RGS8: variants seen among roughly 807,000 people sequenced by gnomAD.
The protein encoded by RGS8 is regulator of G-protein signaling 8.
In RGS8, 8 loss-of-function variants were observed where a neutral mutation model predicts 21.7. The ratio of observed to expected loss-of-function variants is 0.37; its 90% CI spans 0.22 to 0.66. The LOEUF (loss-of-function observed/expected upper bound fraction) is 0.66. Ranked by LOEUF, RGS8 falls within the 30% of genes least tolerant of loss-of-function variation. The pLI is 0.59. For missense variants in RGS8, 157 were observed against 217.9 expected (o/e 0.72, Z 1.76); for synonymous variants, 80 against 83.6 (o/e 0.96, Z 0.24).
chr1:182,648,277 A>G, exon 6 of RGS8: 1 of 1,613,686 alleles, frequency 6.2e-7, no homozygotes, highest in Non-Finnish European at 8.5e-7. Flanking sequence ...TCCGTCTTCA[A>G]GAAGGCACGG....
intron 5 of RGS8, among the ~76,000 whole-genome samples, chr1:182,665,397 G>GA (rs1663806030): frequency 6.6e-6 from 1 of 152,088 alleles, no homozygotes; most frequent in Admixed American, 6.5e-5. Flanking sequence ...ATGAGGAAGA[G>GA]AAAAATGGAA....
the RGS8 span, among the ~76,000 whole-genome samples, chr1:182,723,646 A>G: frequency 1.3e-5 from 2 of 152,190 alleles, no homozygotes; most frequent in Non-Finnish European, 2.9e-5. Flanking sequence ...CAAGAACAAC[A>G]TAGGAGGAGA....
At chr1:182,695,872 G>A in the RGS8 span, among the ~76,000 whole-genome samples, 1 of 152,146 alleles carries the variant, frequency 6.6e-6, no homozygotes, top group Admixed American at 6.5e-5. Flanking sequence ...TATACATTCT[G>A]TATCTGGTAG....
At chr1:182,648,053 C>G in intron 6 of RGS8, 84 bp downstream of exon 7, 1 of 1,295,878 alleles carries the variant, frequency 7.7e-7, no homozygotes. Context: ...AAGTCCTCAT[C>G]AAGCCTGGCT....
At chr1:182,683,627 CAA>C (rs397863359) in intron 1 of RGS8, among the ~76,000 whole-genome samples, 5,166 of 60,480 alleles carry the variant, frequency 0.085, 81 homozygotes, top group African/African-American at 0.097. Context: ...TCCCAGTGCT[CAA>C]AAAAAAAAAA....
chr1:182,679,805 C>T (rs1280794759), intron 1 of RGS8, among the ~76,000 whole-genome samples: 1 of 151,998 alleles, frequency 6.6e-6, no homozygotes, highest in Non-Finnish European at 1.5e-5. Context: ...GCCGCCCTCA[C>T]CACGCCCACC....
chr1:182,724,323 GA>G, the RGS8 span, among the ~76,000 whole-genome samples: 1 of 146,120 alleles, frequency 6.8e-6, no homozygotes, highest in Admixed American at 7.0e-5. Flanking sequence ...AAAAAGGACA[GA>G]AAAAAGAAGA....
At chr1:182,739,376 C>T in the RGS8 span, among the ~76,000 whole-genome samples, 1 of 152,188 alleles carries the variant, frequency 6.6e-6, no homozygotes, top group African/African-American at 2.4e-5. Context: ...GAAACACTGT[C>T]ATCCCCAACA....
the RGS8 span, among the ~76,000 whole-genome samples, chr1:182,692,873 C>A: frequency 5.3e-5 from 8 of 152,140 alleles, no homozygotes; most frequent in South Asian, 2.1e-4. Flanking sequence ...AAACAAGCAA[C>A]GGGGAAAGGA....
the RGS8 span, among the ~76,000 whole-genome samples, chr1:182,711,845 A>G: frequency 2.0e-5 from 3 of 152,182 alleles, no homozygotes; most frequent in Non-Finnish European, 2.9e-5. Flanking sequence ...TGATCTTCCC[A>G]TCATATTAAT....
At chr1:182,733,585 A>C in the RGS8 span, among the ~76,000 whole-genome samples, 6 of 152,136 alleles carry the variant, frequency 3.9e-5, no homozygotes, top group African/African-American at 1.2e-4. Context: ...TCATATCTCA[A>C]ATCTGCTGCC....
chr1:182,742,151 C>T, the RGS8 span, among the ~76,000 whole-genome samples: 1 of 150,202 alleles, frequency 6.7e-6, no homozygotes, highest in Non-Finnish European at 1.5e-5. Context: ...GGCGGCCGGG[C>T]AGAGACGCTC....
At chr1:182,713,059 C>T in the RGS8 span, among the ~76,000 whole-genome samples, 2 of 152,188 alleles carry the variant, frequency 1.3e-5, no homozygotes, top group South Asian at 2.1e-4. Context: ...AAGTTGCCAT[C>T]GTCCCAAATT....
At chr1:182,648,417 C>A in intron 5 of RGS8, 114 bp from the exon 7 acceptor site, 1 of 1,069,632 alleles carries the variant, frequency 9.3e-7, no homozygotes, top group East Asian at 2.4e-5. Flanking sequence ...TCCAAGCTCA[C>A]TGCTCCTCCA....
intron 5 of RGS8, among the ~76,000 whole-genome samples, chr1:182,651,653 C>A (rs999449618): frequency 1.7e-4 from 26 of 152,202 alleles, no homozygotes; most frequent in African/African-American, 6.3e-4. Flanking sequence ...AACTCTGTCA[C>A]CCCTCCCTCA....
chr1:182,720,284 T>C, the RGS8 span, among the ~76,000 whole-genome samples: 3 of 152,148 alleles, frequency 2.0e-5, no homozygotes, highest in Non-Finnish European at 4.4e-5. Context: ...TAACTGCAGA[T>C]TTTCATAAGA....
the RGS8 span, among the ~76,000 whole-genome samples, chr1:182,746,269 A>G: frequency 1.3e-5 from 2 of 152,212 alleles, no homozygotes; most frequent in Non-Finnish European, 2.9e-5. Flanking sequence ...AACTTTTCTA[A>G]TGTGTTTCCA....
rs781159385 is a variant in RGS8, at chr1:182,669,665, C to T, written c.-16G>A. 45 of 1,614,070 alleles carry T rather than the reference C, an allele frequency of 2.8e-5. No homozygotes were observed. In the East Asian group the frequency reaches 4.9e-4, roughly 18 times the overall value. On this transcript the variant is annotated 5_prime_UTR_variant, in exon 3 of 7. Coordinates refer to ENST00000483095, the Ensembl canonical transcript of RGS8. The stretch of plus-strand genomic sequence containing the variant: ...AGGCCGCCATACAGGCATCAGCTTA[C>T]GGTTAACCCTTGGGCTGGTATGCAG...
chr1:182,696,518 T>A, the RGS8 span, among the ~76,000 whole-genome samples: 1 of 151,974 alleles, frequency 6.6e-6, no homozygotes, highest in Non-Finnish European at 1.5e-5. Context: ...CCACCACACC[T>A]GGCTAATTTT....
Sources: allele counts gnomAD v4.1 joint callset (sites outside exome capture counted in the v4.1 genomes callset), GRCh38; gene constraint gnomAD v4.1.1; transcripts MANE v1.5; gene names NCBI Gene and HGNC (gene_info 2026-07-23, HGNC 2026-07-21).